UVSSA: variants seen among roughly 807,000 people sequenced by gnomAD.
UVSSA encodes the protein UV-stimulated scaffold protein A.
Under a neutral mutation model 73.9 loss-of-function variants are expected in UVSSA, and 72 were observed. The observed-to-expected ratio is 0.97, with a 90% confidence interval of 0.81 to 1.19. The LOEUF (loss-of-function observed/expected upper bound fraction) is 1.19. Among genes scored for constraint, UVSSA ranks in the 50% most tolerant of loss-of-function variants. The pLI is 0.00. For missense variants in UVSSA, 1,150 were observed against 965.0 expected, an observed-to-expected ratio of 1.19 and a Z score of -2.54; for synonymous variants, 454 against 391.3, an observed-to-expected ratio of 1.16 and a Z score of -1.89.
chr4:1,375,591 G>T, intron 9 of UVSSA, 83 bp downstream of exon 9: 2 of 1,526,976 alleles, frequency 1.3e-6, no homozygotes, highest in East Asian at 2.3e-5. Context: ...GCCTCGAGAG[G>T]CTGCTTAGTG....
At chr4:1,361,110 G>A (rs1577322248) in intron 7 of UVSSA, among the ~76,000 whole-genome samples, 1 of 152,344 alleles carries the variant, frequency 6.6e-6, no homozygotes, top group African/African-American at 2.4e-5. Flanking sequence ...GCAGCCCCGG[G>A]GACCCAGCAG....
chr4:1,366,169 C>A (rs189983920), intron 7 of UVSSA, 151 bp from the exon 8 acceptor site: 2 of 654,902 alleles, frequency 3.1e-6, no homozygotes, highest in Admixed American at 5.2e-5. Context: ...TGGAGACGAT[C>A]TTAAATGCAG....
chr4:1,390,197 G>T (rs1301895093), downstream of UVSSA: 2 of 152,070 alleles, frequency 1.3e-5, no homozygotes, highest in African/African-American at 4.8e-5. Flanking sequence ...AGTATATTCT[G>T]ATTTTTCTGG....
chr4:1,345,809 T>A (rs1476710005), upstream of UVSSA, among the ~76,000 whole-genome samples: 1 of 151,970 alleles, frequency 6.6e-6, no homozygotes. Flanking sequence ...AAAAGTTGGA[T>A]AAAGAGAGGG....
chr4:1,395,328 A>T, exon 14 of UVSSA: 1 of 1,539,278 alleles, frequency 6.5e-7, no homozygotes. Context: ...CCGCCTGCTC[A>T]CGTGCCGATG....
chr4:1,391,904 G>A (rs530359176), downstream of UVSSA: 4 of 152,334 alleles, frequency 2.6e-5, no homozygotes, highest in Admixed American at 2.6e-4. Flanking sequence ...GTTTGAGAGG[G>A]ATGTTTAATC....
downstream of UVSSA, chr4:1,389,440 T>C (rs1048529178): frequency 2.6e-5 from 4 of 152,322 alleles, no homozygotes; most frequent in Non-Finnish European, 4.4e-5. Context: ...AGCACAATCA[T>C]GGCTCACTAC....
At chr4:1,389,989 G>A (rs1156517740), downstream of UVSSA, 3 of 152,036 alleles carry the variant, frequency 2.0e-5, no homozygotes, top group Admixed American at 1.3e-4. Context: ...AATTTCCACT[G>A]TAATCTTTAT....
intron 8 of UVSSA, among the ~76,000 whole-genome samples, chr4:1,374,605 C>A (rs1718525289): frequency 6.6e-6 from 1 of 152,224 alleles, no homozygotes; most frequent in Admixed American, 6.5e-5. Flanking sequence ...ATGGCCTTGT[C>A]TTGCTGGCGG....
chr4:1,363,194 C>T (rs865959863), intron 7 of UVSSA, among the ~76,000 whole-genome samples: 2 of 152,074 alleles, frequency 1.3e-5, no homozygotes, highest in Non-Finnish European at 2.9e-5. Context: ...GGAAGCCCTG[C>T]GGCTGCCTCA....
rs138228745 is a variant in UVSSA at position 1,351,729 on chromosome 4, C to A, written c.444C>A (p.Asp148Glu). The change falls in exon 4 of 14, where the codon GAC becomes GAA. Residue 148 changes from aspartate to glutamate, a missense_variant. Transcript: ENST00000389851. ...LRHNKKVDFQ[D>E]TNARSLAERK... Reference sequence around the variant, plus strand: ...CAATTGCTCAGGTGGATTTTCAAGACACGAATGCTCGGAGTCTGGCAGAAA... The same window carrying A: ...CAATTGCTCAGGTGGATTTTCAAGAAACGAATGCTCGGAGTCTGGCAGAAA... 9.7e-5 allele frequency: 157 copies of A among 1,613,252 alleles called. No individual in the cohort carries two copies. Among genetic ancestry groups the A allele is most frequent in the Middle Eastern group, 8.2e-4 (5 of 6,082 alleles).
exon 14 of UVSSA, chr4:1,394,439 T>C: frequency 6.2e-7 from 1 of 1,602,460 alleles, no homozygotes; most frequent in South Asian, 1.1e-5. Context: ...CTTCTAGTTT[T>C]TGATACAAAA....
chr4:1,372,354 C>G (rs1038881469), intron 8 of UVSSA, among the ~76,000 whole-genome samples: 2 of 152,218 alleles, frequency 1.3e-5, no homozygotes, highest in African/African-American at 4.8e-5. Flanking sequence ...GGCACTTTCT[C>G]TCCGACTTCT....
chr4:1,355,357 C>T, intron 7 of UVSSA, 112 bp downstream of exon 7: 1 of 1,087,594 alleles, frequency 9.2e-7, no homozygotes, highest in Non-Finnish European at 1.3e-6. Context: ...CCAGCCACAC[C>T]CCAAGCCCAC....
At chr4:1,380,566 A>G in intron 11 of UVSSA, 1 of 1,304,410 alleles carries the variant, frequency 7.7e-7, no homozygotes. Flanking sequence ...CCAGGGGGCC[A>G]GGGCAGCTCC....
At position 1,355,173 on chromosome 4, in the gene UVSSA, G is replaced by A. The variant is rs1025239732; in HGVS notation, c.1104G>A (p.Lys368=). 2.3e-5 allele frequency: 37 copies of A among 1,613,802 alleles called. No homozygotes were observed. Among genetic ancestry groups the A allele is most frequent in the Non-Finnish European group, 2.9e-5 (34 of 1,179,946 alleles). The change falls in exon 7 of 14, where the codon AAG becomes AAA. Residue 368 remains lysine (K), a synonymous_variant. Transcript: ENST00000389851. The part of the protein sequence containing the change: ...GGCLKRAIDL[K]AELELVLRKY... The stretch of plus-strand genomic sequence containing the variant: ...GTTTAAAGCGTGCCATTGACCTGAA[G>A]GCTGAATTGGAGCTCGTACTGAGAA...
chr4:1,376,196 C>G (rs777493065), intron 10 of UVSSA, 28 bp downstream of exon 10: 12 of 1,589,988 alleles, frequency 7.5e-6, no homozygotes. Flanking sequence ...TGAAGTCGGC[C>G]AGGGCACACA....
chr4:1,362,160 C>G (rs1379696862), intron 7 of UVSSA, among the ~76,000 whole-genome samples: 3 of 152,166 alleles, frequency 2.0e-5, no homozygotes, highest in African/African-American at 7.2e-5. Context: ...GCTCATTTTT[C>G]TAAATCCTTT....
In UVSSA at chr4:1,376,121, C is replaced by A. The variant is rs370966636; in HGVS notation, c.1521C>A (p.Asp507Glu). ...CGCCTGTGGTGCCCTACGGCGTGGA[C>A]CTGCACTACTGGGGCCAGGAGCTCC... is the stretch of plus-strand genomic sequence containing the variant. The part of the protein sequence containing the change: ...ARAPVVPYGV[D>E]LHYWGQELPT... Residue 507 changes from aspartate (D) to glutamate (E), a missense_variant, in exon 10 of 14, where the codon GAC (aspartate) becomes GAA (glutamate). Asp to Glu is a conservative substitution (Grantham distance 45). Coordinates refer to ENST00000389851, the MANE Select transcript of UVSSA (RefSeq NM_020894.4). 1.9e-6 allele frequency: 3 copies of A among 1,609,702 alleles called. No homozygotes were observed. The African/African-American group carries it at 4.0e-5, about 21-fold the overall frequency.
Sources: allele counts gnomAD v4.1 joint callset (sites outside exome capture counted in the v4.1 genomes callset), GRCh38; gene constraint gnomAD v4.1.1; transcripts MANE v1.5; gene names NCBI Gene and HGNC (gene_info 2026-07-23, HGNC 2026-07-21).